Variants in GOLPH3L observed in about 807,000 individuals in gnomAD.
GOLPH3L encodes the protein Golgi phosphoprotein 3-like.
GOLPH3L carries 22 observed loss-of-function variants against 30.3 expected under a neutral mutation model. That is an observed-to-expected ratio of 0.73 (90% CI 0.52 to 1.04). The LOEUF (loss-of-function observed/expected upper bound fraction) is 1.04. Ranked by LOEUF, GOLPH3L falls within the 50% of genes least tolerant of loss-of-function variation. GOLPH3L has a pLI of 0.00. For synonymous variants in GOLPH3L, 120 were observed against 128.2 expected (o/e 0.94, Z 0.43); for missense variants, 303 against 345.8 (o/e 0.88, Z 0.98).
At chr1:150,682,924 CT>C (rs1008196506) in intron 2 of GOLPH3L, among the ~76,000 whole-genome samples, 2 of 152,230 alleles carry the variant, frequency 1.3e-5, no homozygotes, top group Middle Eastern at 3.4e-3. Flanking sequence ...GACTTTCTTC[CT>C]TTTCCATGTT....
At chr1:150,667,504 G>C (rs1306758415) in intron 2 of GOLPH3L, among the ~76,000 whole-genome samples, 2 of 152,106 alleles carry the variant, frequency 1.3e-5, no homozygotes, top group African/African-American at 2.4e-5. Context: ...GAGTTGGCCA[G>C]CCTTTGGGAA....
At chr1:150,675,459 AT>A (rs1223290949) in intron 2 of GOLPH3L, among the ~76,000 whole-genome samples, 1 of 151,782 alleles carries the variant, frequency 6.6e-6, no homozygotes, top group Non-Finnish European at 1.5e-5. Context: ...CCATCAACCT[AT>A]TTTCCCATCT....
In GOLPH3L at chr1:150,664,177, A is replaced by T. The variant is rs7554449; in HGVS notation, c.184-414T>A. Among the ~76,000 whole-genome samples, 533 of 151,546 alleles carry T rather than the reference A, an allele frequency of 3.5e-3. 3 individuals are homozygous for T. Among genetic ancestry groups the T allele is most frequent in the African/African-American group, 0.011 (460 of 41,318 alleles). On this transcript the variant is annotated intron_variant, in intron 2 of 4. Transcript: ENST00000271732. Reference sequence around the variant, plus strand: ...CCATGCCTGGCTGTTTTTAAAAAAAATTTTTTTGTAGAGACAAGGTCTTGC... The same window carrying T: ...CCATGCCTGGCTGTTTTTAAAAAAATTTTTTTTGTAGAGACAAGGTCTTGC...
At position 150,647,510 on chromosome 1, in the gene GOLPH3L, AG is replaced by A; in HGVS notation, c.*810del. ...TGTCTCAAAAGAAAAAAAAAAAAAA[AG>A]TGGCCTGGGGGAAACAGGACAGTCA... On this transcript the variant is annotated 3_prime_UTR_variant, in exon 5 of 5. Transcript: ENST00000271732. 1 of 152,718 alleles carries A rather than the reference AG, an allele frequency of 6.5e-6. No individual in the cohort carries two copies. Among genetic ancestry groups the A allele is most frequent in the Non-Finnish European group, 1.5e-5 (1 of 68,344 alleles). 9.5% of individuals were successfully genotyped at this position (152,718 alleles called of 1,614,324 possible). A position where few individuals can be genotyped will look rare whatever the true frequency, so the allele number is the denominator to read the frequency against.
chr1:150,675,162 G>T (rs963943952), intron 2 of GOLPH3L, among the ~76,000 whole-genome samples: 13 of 152,042 alleles, frequency 8.6e-5, no homozygotes, highest in African/African-American at 3.1e-4. Flanking sequence ...TTACAGATGT[G>T]AGCCACCTGG....
chr1:150,660,043 T>C (rs1024776290), intron 4 of GOLPH3L, among the ~76,000 whole-genome samples: 1 of 151,500 alleles, frequency 6.6e-6, no homozygotes, highest in African/African-American at 2.4e-5. Context: ...CATAAATAAA[T>C]ACAAAAAAAC....
chr1:150,652,404 A>C (rs949484744), intron 4 of GOLPH3L, among the ~76,000 whole-genome samples: 3 of 149,682 alleles, frequency 2.0e-5, no homozygotes, highest in African/African-American at 4.9e-5. Context: ...AAAAAAAAAA[A>C]AAAACCCTAA....
chr1:150,690,751 C>T (rs932484690), intron 2 of GOLPH3L, among the ~76,000 whole-genome samples: 2 of 152,258 alleles, frequency 1.3e-5, no homozygotes, highest in Admixed American at 1.3e-4. Flanking sequence ...AACGTGTTTC[C>T]TTTTCTCCAT....
chr1:150,678,283 T>TGAAAAAAA (rs1557786810), intron 2 of GOLPH3L, among the ~76,000 whole-genome samples: 1 of 12,728 alleles, frequency 7.9e-5, no homozygotes, highest in Non-Finnish European at 1.5e-4. Flanking sequence ...AAACTCCGTC[T>TGAAAAAAA]CAAAAAAAAA....
rs1361774757 is a variant in GOLPH3L at position 150,647,027 on chromosome 1, C to T, written c.*1294G>A. On this transcript the variant is annotated 3_prime_UTR_variant, in exon 5 of 5. Transcript: ENST00000271732. ...ATAAGACTGATGACTAGGAGCACATCTATGGATTAAATATAGACAAAACTA... is the reference window on the plus strand; with the variant it reads ...ATAAGACTGATGACTAGGAGCACATTTATGGATTAAATATAGACAAAACTA... 5 of 152,110 alleles carry T rather than the reference C, an allele frequency of 3.3e-5. No individual in the cohort carries two copies. The highest frequency in any genetic ancestry group is 9.7e-5 in the African/African-American group (4 of 41,406). 9.4% of individuals were successfully genotyped at this position (152,110 alleles called of 1,614,324 possible).
intron 2 of GOLPH3L, among the ~76,000 whole-genome samples, chr1:150,669,899 T>G (rs1571043706): frequency 6.7e-6 from 1 of 149,828 alleles, no homozygotes; most frequent in Non-Finnish European, 1.5e-5. Flanking sequence ...GAGGTGGAGG[T>G]TGCAGTTAGC....
chr1:150,687,711 G>A (rs936860904), intron 2 of GOLPH3L, among the ~76,000 whole-genome samples: 7 of 152,206 alleles, frequency 4.6e-5, no homozygotes, highest in African/African-American at 1.2e-4. Flanking sequence ...TTGAAAAAGC[G>A]TAGCATTAAC....
chr1:150,681,854 G>A (rs967243070), intron 2 of GOLPH3L, among the ~76,000 whole-genome samples: 1 of 151,338 alleles, frequency 6.6e-6, no homozygotes, highest in Non-Finnish European at 1.5e-5. Flanking sequence ...ATCACCTGAG[G>A]CCATGAATTC....
chr1:150,663,767 G>C lies in GOLPH3L; in HGVS notation c.184-4C>G, dbSNP rs758877395. On this transcript the variant is annotated splice_polypyrimidine_tract_variant and splice_region_variant and intron_variant, in intron 2 of 4. Transcript: ENST00000271732. ...CATTCCAGAAAGATGTGTACCCCTA[G>C]GAAAGGAGAAAAGAGAAGAGAAAGA... 5.7e-5 allele frequency: 92 copies of C among 1,611,702 alleles called. No individual in the cohort carries two copies. The highest frequency in any genetic ancestry group is 4.9e-4 in the Middle Eastern group (3 of 6,072).
intron 2 of GOLPH3L, among the ~76,000 whole-genome samples, chr1:150,685,375 T>G (rs1034562511): frequency 3.3e-5 from 5 of 152,180 alleles, no homozygotes; most frequent in African/African-American, 1.2e-4. Flanking sequence ...AATATTATTG[T>G]GAAACATAAT....
chr1:150,653,175 C>CAAAAAAAAAAAAAA, intron 4 of GOLPH3L, among the ~76,000 whole-genome samples: 1 of 76,262 alleles, frequency 1.3e-5, no homozygotes, highest in Middle Eastern at 7.2e-3. Context: ...GCCAAAAAAA[C>CAAAAAAAAAAAAAA]AAAAAAAAAA....
At chr1:150,681,148 G>C (rs1378152509) in intron 2 of GOLPH3L, among the ~76,000 whole-genome samples, 3 of 149,562 alleles carry the variant, frequency 2.0e-5, no homozygotes, top group Non-Finnish European at 3.0e-5. Context: ...AAAAAAATAA[G>C]TTTTTAAAAA....
At chr1:150,669,130 A>C (rs1353671125) in intron 2 of GOLPH3L, among the ~76,000 whole-genome samples, 1 of 152,200 alleles carries the variant, frequency 6.6e-6, no homozygotes, top group Non-Finnish European at 1.5e-5. Flanking sequence ...CAAAAGTATA[A>C]AAACATATAT....
At chr1:150,685,701 TGA>T (rs780982146) in intron 2 of GOLPH3L, among the ~76,000 whole-genome samples, 92 of 151,684 alleles carry the variant, frequency 6.1e-4, no homozygotes, top group Admixed American at 1.7e-3. Context: ...GGCAACAGAA[TGA>T]GAGTCCATCT....
Sources: allele counts gnomAD v4.1 joint callset (sites outside exome capture counted in the v4.1 genomes callset), GRCh38; gene constraint gnomAD v4.1.1; transcripts MANE v1.5; gene names NCBI Gene and HGNC (gene_info 2026-07-23, HGNC 2026-07-21).